The following SLC35D4 variants were observed in gnomAD, a reference collection of about 807,000 sequenced individuals.
The protein encoded by SLC35D4 is UDP-N-acetylglucosamine transporter SLC35D4.
At chr18:23,294,831 C>T in the SLC35D4 span, among the ~76,000 whole-genome samples, 9 of 152,032 alleles carry the variant, frequency 5.9e-5, no homozygotes, top group South Asian at 6.2e-4. Context: ...AACAACCAAA[C>T]GAAAACAAAT....
the SLC35D4 span, among the ~76,000 whole-genome samples, chr18:23,274,977 G>C: frequency 6.6e-6 from 1 of 151,922 alleles, no homozygotes; most frequent in Admixed American, 6.6e-5. Flanking sequence ...GTGCGCTTGT[G>C]TCTGAGTGCA....
chr18:23,322,876 G>A, the SLC35D4 span, among the ~76,000 whole-genome samples: 1 of 152,136 alleles, frequency 6.6e-6, no homozygotes, highest in Non-Finnish European at 1.5e-5. Flanking sequence ...AACCTGGTAT[G>A]GAGCCTCTTA....
At chr18:23,264,505 G>A in the SLC35D4 span, among the ~76,000 whole-genome samples, 1 of 152,100 alleles carries the variant, frequency 6.6e-6, no homozygotes, top group African/African-American at 2.4e-5. Flanking sequence ...TGGGATCACA[G>A]GCGCGCGCCA....
chr18:23,325,810 C>G, the SLC35D4 span, among the ~76,000 whole-genome samples: 2 of 152,248 alleles, frequency 1.3e-5, no homozygotes, highest in South Asian at 4.1e-4. Context: ...ACAAAAGGAA[C>G]GTCAGCTGCT....
chr18:23,372,225 C>A, the SLC35D4 span, among the ~76,000 whole-genome samples: 4 of 151,988 alleles, frequency 2.6e-5, no homozygotes, highest in African/African-American at 9.7e-5. Context: ...CGTGAGCCAC[C>A]GCGCCCAGCC....
the SLC35D4 span, among the ~76,000 whole-genome samples, chr18:23,295,657 C>A: frequency 6.6e-6 from 1 of 152,146 alleles, no homozygotes; most frequent in Non-Finnish European, 1.5e-5. Context: ...GTTCCAAATA[C>A]ACGAATCCAT....
chr18:23,264,330 T>G, the SLC35D4 span, among the ~76,000 whole-genome samples: 1 of 136,248 alleles, frequency 7.3e-6, no homozygotes. Flanking sequence ...GCAAGAGGGG[T>G]GGGAAGGTGC....
chr18:23,349,344 G>C, the SLC35D4 span, among the ~76,000 whole-genome samples: 1 of 152,154 alleles, frequency 6.6e-6, no homozygotes, highest in African/African-American at 2.4e-5. Context: ...AAAAAAACCT[G>C]TTTTTTGGCC....
the SLC35D4 span, chr18:23,352,198 T>C: frequency 1.2e-6 from 2 of 1,610,156 alleles, no homozygotes; most frequent in Non-Finnish European, 8.5e-7. Flanking sequence ...TCTCTTACCT[T>C]AGCAAAGAAA....
the SLC35D4 span, among the ~76,000 whole-genome samples, chr18:23,429,162 G>T: frequency 3.3e-5 from 5 of 152,200 alleles, no homozygotes; most frequent in Non-Finnish European, 5.9e-5. Flanking sequence ...ACACGTGAGT[G>T]TAGGTATATT....
At chr18:23,251,706 C>T in the SLC35D4 span, among the ~76,000 whole-genome samples, 1 of 152,204 alleles carries the variant, frequency 6.6e-6, no homozygotes, top group Non-Finnish European at 1.5e-5. Context: ...CAAAGACTTA[C>T]TGGTTACCAT....
At chr18:23,355,318 C>T in the SLC35D4 span, among the ~76,000 whole-genome samples, 1 of 152,180 alleles carries the variant, frequency 6.6e-6, no homozygotes, top group African/African-American at 2.4e-5. Context: ...GGGCTGTGAA[C>T]TGTGCTGCTC....
chr18:23,251,502 C>G, the SLC35D4 span, among the ~76,000 whole-genome samples: 1 of 152,022 alleles, frequency 6.6e-6, no homozygotes, highest in Non-Finnish European at 1.5e-5. Context: ...AAGACCCAGC[C>G]TTGGCAAGTA....
At chr18:23,424,381 C>T in the SLC35D4 span, among the ~76,000 whole-genome samples, 1 of 152,284 alleles carries the variant, frequency 6.6e-6, no homozygotes, top group South Asian at 2.1e-4. Context: ...CTGCAGAATA[C>T]GTTACTCTGC....
the SLC35D4 span, among the ~76,000 whole-genome samples, chr18:23,330,583 T>C: frequency 1.3e-5 from 2 of 152,072 alleles, no homozygotes; most frequent in African/African-American, 2.4e-5. Context: ...CCCCAGCCCA[T>C]GCCTGCTCAT....
chr18:23,367,375 G>A, the SLC35D4 span, among the ~76,000 whole-genome samples: 2 of 152,170 alleles, frequency 1.3e-5, no homozygotes, highest in Non-Finnish European at 2.9e-5. Context: ...CCACCTGGAT[G>A]GCATGAGTTT....
chr18:23,318,507 G>A, the SLC35D4 span, among the ~76,000 whole-genome samples: 1 of 152,120 alleles, frequency 6.6e-6, no homozygotes, highest in Non-Finnish European at 1.5e-5. Context: ...GGAATTCTAA[G>A]TCACTATTTC....
chr18:23,414,317 G>GGAAA, the SLC35D4 span, among the ~76,000 whole-genome samples: 1 of 147,300 alleles, frequency 6.8e-6, no homozygotes, highest in Non-Finnish European at 1.5e-5. Flanking sequence ...AAGGAAGGAA[G>GGAAA]GAAGGAAGGA....
chr18:23,348,540 G>A, the SLC35D4 span, among the ~76,000 whole-genome samples: 1 of 152,096 alleles, frequency 6.6e-6, no homozygotes, highest in East Asian at 1.9e-4. Flanking sequence ...ATTTAGAACT[G>A]TTATATCTTC....
Sources: gnomAD v4.1 joint callset for allele counts (sites outside exome capture counted in the v4.1 genomes callset) on GRCh38, gnomAD v4.1.1 for gene constraint, MANE v1.5 for transcripts, NCBI Gene and HGNC (gene_info 2026-07-23, HGNC 2026-07-21) for gene names.